PTPRN2: variants seen among roughly 807,000 people sequenced by gnomAD.
PTPRN2 encodes the protein protein tyrosine phosphatase receptor type N2, also known as receptor-type tyrosine-protein phosphatase N2.
A neutral mutation model predicts 118.8 loss-of-function variants in PTPRN2; 74 were observed. The observed-to-expected ratio is 0.62, with a 90% CI of 0.52 to 0.76. PTPRN2 has a LOEUF of 0.76. Ranked by LOEUF, PTPRN2 falls within the 30% of genes least tolerant of loss-of-function variation. PTPRN2 has a pLI of 0.00. For missense variants in PTPRN2, 1,481 were observed against 1,394.4 expected, an observed-to-expected ratio of 1.06 and a Z score of -0.99; for synonymous variants, 641 against 608.0, an observed-to-expected ratio of 1.05 and a Z score of -0.80.
chr7:158,277,803 G>A (rs1447856902), intron 3 of PTPRN2, among the ~76,000 whole-genome samples: 2 of 152,174 alleles, frequency 1.3e-5, no homozygotes. Context: ...AGCTACAGAG[G>A]CTCCTCCTCC....
At chr7:158,378,675 C>CTCCAGGG (rs913295711) in intron 2 of PTPRN2, among the ~76,000 whole-genome samples, 44 of 150,034 alleles carry the variant, frequency 2.9e-4, no homozygotes, top group East Asian at 5.8e-4. Flanking sequence ...GTCCAGCACA[C>CTCCAGGG]TCCAGGGTCC....
At position 158,565,774 on chromosome 7, in the gene PTPRN2, G is replaced by A. The variant is rs182613354; in HGVS notation, c.112+21784C>T. Among the ~76,000 whole-genome samples the A allele has an allele frequency of 3.3e-5, 5 of 152,060 alleles. No homozygotes were observed. Among genetic ancestry groups the A allele is most frequent in the South Asian group, 2.1e-4 (1 of 4,826 alleles). ...GCAGGCACTGTTCCCGTAGTTACCC[G>A]CACGTCTAGAGACTGTCCCACATCT... On this transcript the variant is annotated intron_variant, in intron 1 of 22. Transcript: ENST00000389418. The surrounding 1 kb of genome is among the most constrained non-coding windows in gnomAD (Gnocchi z 4.6).
intron 12 of PTPRN2, among the ~76,000 whole-genome samples, chr7:157,873,389 G>A (rs532590429): frequency 6.6e-6 from 1 of 152,228 alleles, no homozygotes; most frequent in Non-Finnish European, 1.5e-5. Context: ...GGAGGGCCGC[G>A]CCCCGAGGCT....
intron 12 of PTPRN2, among the ~76,000 whole-genome samples, chr7:157,731,365 C>G (rs1234895849): frequency 6.6e-6 from 1 of 152,202 alleles, no homozygotes; most frequent in Non-Finnish European, 1.5e-5. Context: ...AGAACCGTAT[C>G]TGGCATATGG....
At chr7:157,600,904 C>T (rs1006706139) in intron 16 of PTPRN2, among the ~76,000 whole-genome samples, 4 of 152,234 alleles carry the variant, frequency 2.6e-5, no homozygotes, top group African/African-American at 7.2e-5. Context: ...TGAAAAGCCA[C>T]TCTGTCCCTA....
chr7:158,167,064 C>T lies in PTPRN2; in HGVS notation c.777G>A (p.Gly259=), dbSNP rs1271954239. Residue 259 remains glycine (G), a synonymous_variant, in exon 6 of 23, where the codon GGG becomes GGA. Coordinates refer to ENST00000389418, the MANE Select transcript of PTPRN2 (RefSeq NM_002847.5). ...GGTACTGTGGCTCCAGGCTGCCCTC[C>T]CCGGGGGGAGCTGGGGGCCTCTGGG... ...YAAQRPPAPP[G]EGSLEPQYLL... The T allele has an allele frequency of 1.3e-6, 2 of 1,591,232 alleles. No homozygotes were observed. Among genetic ancestry groups the T allele is most frequent in the African/African-American group, 1.3e-5 (1 of 74,568 alleles).
chr7:158,421,425 G>A (rs1482877994), intron 2 of PTPRN2, among the ~76,000 whole-genome samples: 1 of 152,228 alleles, frequency 6.6e-6, no homozygotes, highest in Admixed American at 6.5e-5. Context: ...TTTATGCAAA[G>A]TGCATCGACA....
intron 3 of PTPRN2, among the ~76,000 whole-genome samples, chr7:158,265,959 G>T (rs561130913): frequency 6.6e-6 from 1 of 152,216 alleles, no homozygotes; most frequent in Non-Finnish European, 1.5e-5. Flanking sequence ...CCACAGAGGC[G>T]CAGGGCTCCT....
intron 6 of PTPRN2, among the ~76,000 whole-genome samples, chr7:158,156,172 G>A (rs563812974): frequency 1.1e-4 from 16 of 152,224 alleles, no homozygotes; most frequent in Admixed American, 2.6e-4. Context: ...CTGTCATGCC[G>A]CAATATTTTG....
At chr7:158,478,403 T>C (rs1461532846) in intron 2 of PTPRN2, among the ~76,000 whole-genome samples, 1 of 152,080 alleles carries the variant, frequency 6.6e-6, no homozygotes, top group African/African-American at 2.4e-5. Flanking sequence ...GGGTGAGCAA[T>C]GGACGCCACT....
Position 158,114,973 on chromosome 7 carries a change from G to C in PTPRN2, c.1557-4058C>G, listed in dbSNP as rs1397543542. Among the ~76,000 whole-genome samples the C allele has an allele frequency of 2.6e-5, 4 of 152,130 alleles. No individual in the cohort carries two copies. In the East Asian group the frequency reaches 7.7e-4, roughly 29 times the overall value. On this transcript the variant is annotated intron_variant, in intron 9 of 22. Transcript: ENST00000389418. ...ACATGGGTGCTCCTCACCCATTAAG[G>C]GATTGGAGTTTATCCCAAATACAAT...
rs1222916996 is a variant in PTPRN2, at chr7:157,593,556, G to A, written c.2496+1682C>T. Among the ~76,000 whole-genome samples, 4 of 152,234 alleles carry A rather than the reference G, an allele frequency of 2.6e-5. No homozygotes were observed. In the South Asian group the frequency reaches 8.3e-4, roughly 31 times the overall value. ...ACTCCAGTGGTATTAGGACTCCGTGGGTATTCTCTGCCCGCCCTCCAATTC... is the reference window on the plus strand; with the variant it reads ...ACTCCAGTGGTATTAGGACTCCGTGAGTATTCTCTGCCCGCCCTCCAATTC... On this transcript the variant is annotated intron_variant, in intron 17 of 22. Coordinates refer to ENST00000389418, the MANE Select transcript of PTPRN2 (RefSeq NM_002847.5).
intron 14 of PTPRN2, among the ~76,000 whole-genome samples, chr7:157,623,049 C>G (rs968071379): frequency 6.6e-6 from 1 of 152,212 alleles, no homozygotes; most frequent in Admixed American, 6.5e-5. Context: ...AAGCACCCCA[C>G]AGAGATGTCT....
intron 3 of PTPRN2, among the ~76,000 whole-genome samples, chr7:158,246,389 C>T (rs1003130073): frequency 6.6e-6 from 1 of 151,218 alleles, no homozygotes; most frequent in African/African-American, 2.4e-5. Context: ...GGAGTCGAGA[C>T]GCGTCTCTCT....
At chr7:158,046,387 C>T (rs565499314) in intron 11 of PTPRN2, among the ~76,000 whole-genome samples, 14 of 148,792 alleles carry the variant, frequency 9.4e-5, no homozygotes, top group African/African-American at 1.2e-4. Context: ...GCGATCCTGG[C>T]GTCCTGACAC....
chr7:158,038,653 A>G (rs900193455), intron 11 of PTPRN2, among the ~76,000 whole-genome samples: 19 of 150,020 alleles, frequency 1.3e-4, no homozygotes, highest in Non-Finnish European at 2.5e-4. Flanking sequence ...TAACACATAT[A>G]GCATTTCTAT....
intron 9 of PTPRN2, among the ~76,000 whole-genome samples, chr7:158,111,743 C>A (rs970855742): frequency 6.6e-6 from 1 of 152,160 alleles, no homozygotes; most frequent in East Asian, 1.9e-4. Flanking sequence ...GCCCTGCCCT[C>A]GAGGGGTTCA....
chr7:157,769,482 C>T (rs1489259865), intron 12 of PTPRN2, among the ~76,000 whole-genome samples: 2 of 152,162 alleles, frequency 1.3e-5, no homozygotes, highest in Non-Finnish European at 2.9e-5. Context: ...ACAGCAATGT[C>T]AACAGGCAAA....
intron 5 of PTPRN2, among the ~76,000 whole-genome samples, chr7:158,191,489 C>T (rs1825763124): frequency 6.6e-6 from 1 of 152,184 alleles, no homozygotes; most frequent in Non-Finnish European, 1.5e-5. Context: ...AGGAAGCTGG[C>T]AGGGCTGGGC....
Sources: allele counts gnomAD v4.1 joint callset (sites outside exome capture counted in the v4.1 genomes callset), GRCh38; gene constraint gnomAD v4.1.1; non-coding constraint Gnocchi (gnomAD v3.1); transcripts MANE v1.5; gene names NCBI Gene and HGNC (gene_info 2026-07-23, HGNC 2026-07-21).